USP35: variants seen among roughly 807,000 people sequenced by gnomAD.
USP35 encodes ubiquitin specific peptidase 35, also known as ubiquitin carboxyl-terminal hydrolase 35.
USP35 carries 69 observed loss-of-function variants against 83.8 expected under a neutral mutation model. The observed-to-expected ratio is 0.82, with a 90% CI of 0.68 to 1.01. USP35 has a LOEUF of 1.01. USP35 is among the 50% of genes least tolerant of loss of function. The pLI is 0.00. For missense variants in USP35, 1,503 were observed against 1,362.5 expected, an observed-to-expected ratio of 1.10 and a Z score of -1.62; for synonymous variants, 714 against 589.5, an observed-to-expected ratio of 1.21 and a Z score of -3.06.
intron 10 of USP35, among the ~76,000 whole-genome samples, chr11:78,211,984 C>T (rs778540526): frequency 4.6e-5 from 7 of 152,170 alleles, no homozygotes; most frequent in Admixed American, 1.3e-4. Flanking sequence ...GTTGCAATTG[C>T]TTTTGATGTT....
chr11:78,233,057 G>A, the USP35 span, among the ~76,000 whole-genome samples: 1 of 63,234 alleles, frequency 1.6e-5, no homozygotes, highest in African/African-American at 8.8e-5. Flanking sequence ...TTTTTTTTTT[G>A]GTGACAAGGT....
chr11:78,209,561 T>C lies in USP35; in HGVS notation c.1706T>C (p.Met569Thr). 1 of 1,613,950 alleles carries C rather than the reference T, an allele frequency of 6.2e-7. No homozygotes were observed. The highest frequency in any genetic ancestry group is 8.5e-7 in the Non-Finnish European group (1 of 1,179,966). ...CCAAGTTCAACCTCTGTGGAAAAAA[T>C]GTTTGGAGGCAAGATAGTGACTCGG... ...PAPSSTSVEK[M>T]FGGKIVTRIC... Residue 569 changes from methionine (M) to threonine (T), a missense_variant, in exon 10 of 11, where the codon ATG becomes ACG. By Grantham distance (81) the Met-to-Thr change is moderately conservative. Coordinates refer to ENST00000529308, the MANE Select transcript of USP35 (RefSeq NM_020798.4).
chr11:78,227,118 A>C, the USP35 span: 2 of 1,064,570 alleles, frequency 1.9e-6, no homozygotes, highest in Non-Finnish European at 2.8e-6. Context: ...CTTGAGGCAA[A>C]GCACTTTCTC....
chr11:78,222,522 AAT>A, the USP35 span, among the ~76,000 whole-genome samples: 1 of 148,334 alleles, frequency 6.7e-6, no homozygotes, highest in African/African-American at 2.4e-5. Context: ...CTATATATAA[AAT>A]ATATTTATAT....
rs1863163385 is a variant in USP35 at position 78,196,830 on chromosome 11, G to GAGC, written c.586_588dup (p.Ser196dup). On this transcript the variant is annotated inframe_insertion, in exon 2 of 11. Coordinates refer to ENST00000529308, the MANE Select transcript of USP35 (RefSeq NM_020798.4). The surrounding 1 kb of genome is among the most constrained non-coding windows in gnomAD (Gnocchi z 4.8). ...AGTTCCTAGAGCAGGCCCAGCAGGT[G>GAGC]AGCGGGCTCCTGGCGCAGCTGTGGC... is the stretch of plus-strand genomic sequence containing the variant. 1 of 1,531,248 alleles carries GAGC rather than the reference G, an allele frequency of 6.5e-7. No individual in the cohort carries two copies. The allele number at this position is 1,531,248 out of a possible 1,614,324, so 94.9% of individuals were successfully genotyped here. A position where few individuals can be genotyped will look rare whatever the true frequency, so the allele number is the denominator to read the frequency against.
intron 6 of USP35, 94 bp downstream of exon 6, chr11:78,200,902 C>T: frequency 1.3e-6 from 2 of 1,484,464 alleles, no homozygotes; most frequent in Non-Finnish European, 1.8e-6. Flanking sequence ...TGGTGGCAGT[C>T]CCCGTCATTT....
chr11:78,219,108 T>A, downstream of USP35: 1 of 654,322 alleles, frequency 1.5e-6, no homozygotes. Context: ...GGCCCTCACC[T>A]CCCAGGGGAA....
rs994041945 is a variant in USP35 at position 78,205,714 on chromosome 11, C to A, written c.1198-128C>A. The A allele has an allele frequency of 5.0e-6, 5 of 991,628 alleles. No homozygotes were observed. In the African/African-American group the frequency reaches 8.2e-5, roughly 16 times the overall value. 61.4% of individuals were successfully genotyped at this position (991,628 alleles called of 1,614,324 possible). On this transcript the variant is annotated intron_variant, in intron 6 of 10. Transcript: ENST00000529308. ...GCTGTTCACACACACCCCAGAACAT[C>A]TGTGGGGGGGTGTGCCTGGGAGGCC...
rs890171387 is a variant in USP35, at chr11:78,199,430, T to G, written c.807-165T>G. The G allele has an allele frequency of 4.8e-6, 5 of 1,045,490 alleles. No homozygotes were observed. The Admixed American group carries it at 1.1e-4, about 24-fold the overall frequency. The allele number at this position is 1,045,490 out of a possible 1,614,324, so 64.8% of individuals were successfully genotyped here. A position where few individuals can be genotyped will look rare whatever the true frequency, so the allele number is the denominator to read the frequency against. On this transcript the variant is annotated intron_variant, in intron 3 of 10. Transcript: ENST00000529308. ...CTGGCAGGTGGCTGTGCTGGGCTTG[T>G]GCATTTCCCAGCCATGTCTGGTTCA...
In USP35 at chr11:78,213,664, C is replaced by G; in HGVS notation, c.2908C>G (p.Arg970Gly). The change falls in exon 11 of 11, where the codon CGG becomes GGG. Residue 970 changes from arginine to glycine, a missense_variant. By Grantham distance (125) the Arg-to-Gly change is moderately radical (BLOSUM62 -2). Transcript: ENST00000529308. The stretch of plus-strand genomic sequence containing the variant: ...TTCCCAGGAGCAGGAGAAGGAGGCC[C>G]GGAGCAGGGCGGCCTACATCTCTGC... ...LYLQEQEKEA[R>G]SRAAYISALP... 2 of 1,496,290 alleles carry G rather than the reference C, an allele frequency of 1.3e-6. No individual in the cohort carries two copies. The highest frequency in any genetic ancestry group is 1.8e-6 in the Non-Finnish European group (2 of 1,129,448). 92.7% of individuals were successfully genotyped at this position (1,496,290 alleles called of 1,614,324 possible).
chr11:78,195,958 G>A (rs1863129655), intron 1 of USP35, among the ~76,000 whole-genome samples: 1 of 152,122 alleles, frequency 6.6e-6, no homozygotes, highest in African/African-American at 2.4e-5. Context: ...GAACTCCTGG[G>A]CTCAAGGGAT....
intron 6 of USP35, among the ~76,000 whole-genome samples, chr11:78,202,281 T>A (rs1380917184): frequency 6.6e-6 from 1 of 152,172 alleles, no homozygotes; most frequent in African/African-American, 2.4e-5. Context: ...GGTTGTACCA[T>A]TAGCAAAAGA....
intron 10 of USP35, 138 bp from the exon 11 acceptor site, chr11:78,213,508 C>A: frequency 1.0e-6 from 1 of 994,232 alleles, no homozygotes; most frequent in Non-Finnish European, 1.3e-6. Context: ...GGATATCCTG[C>A]CACTGAGCTG....
At position 78,208,900 on chromosome 11, in the gene USP35, C is replaced by T. The variant is rs200711145; in HGVS notation, c.1529C>T (p.Thr510Met). 4.7e-5 allele frequency: 76 copies of T among 1,614,208 alleles called. No homozygotes were observed. Among genetic ancestry groups the T allele is most frequent in the Admixed American group, 3.5e-4 (21 of 60,032 alleles). The part of the protein sequence containing the change: ...SPENFLSASW[T>M]PWFSPGTQQD... Reference sequence around the variant, plus strand: ...GAGAACTTCCTCTCCGCATCCTGGACGCCCTGGTTCAGCCCTGGCACCCAG... The same window carrying T: ...GAGAACTTCCTCTCCGCATCCTGGATGCCCTGGTTCAGCCCTGGCACCCAG... The change falls in exon 9 of 11, where the codon ACG (threonine) becomes ATG (methionine). Residue 510 changes from threonine to methionine, a missense_variant. Thr to Met is a moderately conservative substitution (Grantham distance 81, BLOSUM62 -1). Transcript: ENST00000529308.
At chr11:78,192,906 T>C (rs1374989059) in intron 1 of USP35, among the ~76,000 whole-genome samples, 1 of 152,182 alleles carries the variant, frequency 6.6e-6, no homozygotes, top group Non-Finnish European at 1.5e-5. Flanking sequence ...CTAGTACTCT[T>C]TCTACTACCA....
At chr11:78,211,300 T>C (rs939618599) in intron 10 of USP35, among the ~76,000 whole-genome samples, 9 of 152,240 alleles carry the variant, frequency 5.9e-5, no homozygotes, top group Non-Finnish European at 1.2e-4. Context: ...TTTTTATGGA[T>C]GCATAGTATT....
rs978183969 is a variant in USP35, at chr11:78,196,006, G to A, written c.-10-230G>A. On this transcript the variant is annotated intron_variant, in intron 1 of 10. Coordinates refer to ENST00000529308, the MANE Select transcript of USP35 (RefSeq NM_020798.4). The surrounding 1 kb of genome is among the most constrained non-coding windows in gnomAD (Gnocchi z 4.8). ...GCCTCCCAAAGTGCTGGGATTACAGGTGTGAGTCACCACGCAGGCCCCTGG... is the reference window on the plus strand; with the variant it reads ...GCCTCCCAAAGTGCTGGGATTACAGATGTGAGTCACCACGCAGGCCCCTGG... Among the ~76,000 whole-genome samples, 7 of 152,198 alleles carry A rather than the reference G, an allele frequency of 4.6e-5. No individual in the cohort carries two copies. Among genetic ancestry groups the A allele is most frequent in the African/African-American group, 1.7e-4 (7 of 41,444 alleles).
chr11:78,207,511 C>T lies in USP35; in HGVS notation c.1392-19C>T, dbSNP rs1226308874. 3.1e-6 allele frequency: 5 copies of T among 1,613,276 alleles called. No homozygotes were observed. Among genetic ancestry groups the T allele is most frequent in the Non-Finnish European group, 4.2e-6 (5 of 1,179,676 alleles). ...GGGGGCCCATGGCTTACCCTGGGTG[C>T]CCCTGCTTTGTTTTGAAGCTTCAGA... On this transcript the variant is annotated intron_variant, in intron 7 of 10. Transcript: ENST00000529308.
intron 4 of USP35, 66 bp from the exon 5 acceptor site, chr11:78,200,067 G>A (rs933522065): frequency 6.4e-7 from 1 of 1,556,920 alleles, no homozygotes. Flanking sequence ...CCCCTCTCAG[G>A]CTTGTGATTC....
Sources: gnomAD v4.1 joint callset for allele counts (sites outside exome capture counted in the v4.1 genomes callset) on GRCh38, gnomAD v4.1.1 for gene constraint, Gnocchi (gnomAD v3.1) non-coding constraint, MANE v1.5 for transcripts, NCBI Gene and HGNC (gene_info 2026-07-23, HGNC 2026-07-21) for gene names.